Variants in STING1 observed in about 807,000 individuals in gnomAD.
STING1 encodes the protein stimulator of interferon response cGAMP interactor 1.
Under a neutral mutation model 31.6 loss-of-function variants are expected in STING1, and 19 were observed. That is an observed-to-expected ratio of 0.60 (90% CI 0.42 to 0.88). The LOEUF (loss-of-function observed/expected upper bound fraction) is 0.88, where lower values mean the gene tolerates loss of function less well. Among genes scored for constraint, STING1 ranks in the 40% least tolerant of loss-of-function variants. STING1 has a pLI of 0.00. For synonymous variants in STING1, 200 were observed against 208.6 expected, an observed-to-expected ratio of 0.96 and a Z score of 0.35; for missense variants, 371 against 483.7, an observed-to-expected ratio of 0.77 and a Z score of 2.19.
intron 7 of STING1, 72 bp downstream of exon 7, chr5:139,477,255 CTT>C: frequency 6.6e-7 from 1 of 1,519,922 alleles, no homozygotes; most frequent in Non-Finnish European, 9.0e-7. Flanking sequence ...CCTTCTGACT[CTT>C]TGGGAGACCC....
chr5:139,481,301 C>A lies in STING1; in HGVS notation c.269G>T (p.Gly90Val). Residue 90 changes from glycine (G) to valine (V), a missense_variant, in exon 4 of 8, where the codon GGC (glycine) becomes GTC (valine). Transcript: ENST00000330794. The surrounding 1 kb of genome is among the most constrained non-coding windows in gnomAD (Gnocchi z 4.1). The stretch of plus-strand genomic sequence containing the variant: ...CAGGGCCCCACGGCGGAGGGGGCAG[C>A]CCAGGCAGGCCCGCACAGTCCTCCA... ...SYWRTVRACL[G>V]CPLRRGALLL... 6.2e-7 allele frequency: 1 copy of A among 1,608,790 alleles called. No individual in the cohort carries two copies. The highest frequency in any genetic ancestry group is 8.5e-7 in the Non-Finnish European group (1 of 1,177,400).
chr5:139,479,394 C>A (rs1751766159), intron 5 of STING1, among the ~76,000 whole-genome samples: 1 of 151,124 alleles, frequency 6.6e-6, no homozygotes, highest in Non-Finnish European at 1.5e-5. Flanking sequence ...ATCACTTTAC[C>A]TCTCAGAACT....
At chr5:139,477,245 C>G in intron 7 of STING1, 84 bp downstream of exon 7, 1 of 1,420,842 alleles carries the variant, frequency 7.0e-7, no homozygotes, top group South Asian at 1.3e-5. Flanking sequence ...CTCCATAGCC[C>G]CTTCTGACTC....
In STING1 at chr5:139,478,213, C is replaced by G. The variant is rs1005206182; in HGVS notation, c.759+57G>C. ...ATTTTCATCAGTGCTTGGCTAGGGC[C>G]CAGGGTTCTGGGGTCCTGACCCCTC... On this transcript the variant is annotated intron_variant, in intron 6 of 7. Transcript: ENST00000330794. 3 of 1,351,810 alleles carry G rather than the reference C, an allele frequency of 2.2e-6. No homozygotes were observed. The African/African-American group carries it at 4.3e-5, about 19-fold the overall frequency. 83.7% of individuals were successfully genotyped at this position (1,351,810 alleles called of 1,614,324 possible). A position where few individuals can be genotyped will look rare whatever the true frequency, so the allele number is the denominator to read the frequency against.
chr5:139,479,109 A>C (rs531719661), intron 5 of STING1: 1 of 153,006 alleles, frequency 6.5e-6, no homozygotes, highest in South Asian at 2.1e-4. Flanking sequence ...CGTGCCTGTA[A>C]TCCTAGCTAT....
chr5:139,480,012 A>C (rs1751789379), intron 5 of STING1, among the ~76,000 whole-genome samples: 1 of 151,426 alleles, frequency 6.6e-6, no homozygotes, highest in East Asian at 1.9e-4. Context: ...TCAAAAAAAA[A>C]AAAAAAAAAA....
At position 139,481,079 on chromosome 5, in the gene STING1, T is replaced by A; in HGVS notation, c.411+80A>T. 2 of 1,442,342 alleles carry A rather than the reference T, an allele frequency of 1.4e-6. No homozygotes were observed. The highest frequency in any genetic ancestry group is 2.3e-5 in the South Asian group (2 of 86,662). The allele number at this position is 1,442,342 out of a possible 1,614,324, so 89.3% of individuals were successfully genotyped here. ...ACTCCAGCCTTTAAACCAGTCCCAC[T>A]CCCAGTACTCAGCTCAGGGCAGGTC... On this transcript the variant is annotated intron_variant, in intron 4 of 7. Transcript: ENST00000330794. The surrounding 1 kb of genome is among the most constrained non-coding windows in gnomAD (Gnocchi z 4.1).
In STING1 at chr5:139,481,249, G is replaced by A. The variant is rs1237980654; in HGVS notation, c.321C>T (p.Tyr107=). ...GCGGGCCGACCGCATTTGGGAGGGA[G>A]TAGTAGAAATAGATGGACAGCAGCA... ...ALLLLSIYFY[Y]SLPNAVGPPF... Residue 107 remains tyrosine, a synonymous_variant, in exon 4 of 8, where the codon TAC becomes TAT. Transcript: ENST00000330794. The surrounding 1 kb of genome is among the most constrained non-coding windows in gnomAD (Gnocchi z 4.1). 6.2e-7 allele frequency: 1 copy of A among 1,614,036 alleles called. No homozygotes were observed. Among genetic ancestry groups the A allele is most frequent in the African/African-American group, 1.3e-5 (1 of 74,938 alleles).
chr5:139,481,591 C>T lies in STING1; in HGVS notation c.114G>A (p.Glu38=). 6.2e-7 allele frequency: 1 copy of T among 1,613,760 alleles called. No individual in the cohort carries two copies. The highest frequency in any genetic ancestry group is 8.5e-7 in the Non-Finnish European group (1 of 1,179,920). ...GGTACCGGAGAGTGTGCTCTGGTGGCTCTCCTAGCCCCCAAAGGGTCACCA... is the reference window on the plus strand; with the variant it reads ...GGTACCGGAGAGTGTGCTCTGGTGGTTCTCCTAGCCCCCAAAGGGTCACCA... ...ACLVTLWGLG[E]PPEHTLRYLV... Residue 38 remains glutamate (E), a synonymous_variant, in exon 3 of 8, where the codon GAG becomes GAA. Transcript: ENST00000330794. The surrounding 1 kb of genome is among the most constrained non-coding windows in gnomAD (Gnocchi z 4.1).
chr5:139,478,849 C>T, intron 5 of STING1: 1 of 276,488 alleles, frequency 3.6e-6, no homozygotes, highest in Non-Finnish European at 7.1e-6. Context: ...CCTCTAGCCC[C>T]AGATCAGTCT....
In STING1 at chr5:139,481,290, G is replaced by A. The variant is rs752269574; in HGVS notation, c.280C>T (p.Arg94Cys). The A allele has an allele frequency of 7.4e-6, 12 of 1,612,300 alleles. No individual in the cohort carries two copies. Among genetic ancestry groups the A allele is most frequent in the South Asian group, 3.3e-5 (3 of 90,774 alleles). Residue 94 changes from arginine (R) to cysteine (C), a missense_variant, in exon 4 of 8, where the codon CGC (arginine) becomes TGC (cysteine). Arg to Cys is a radical substitution (Grantham distance 180). Coordinates refer to ENST00000330794, the MANE Select transcript of STING1 (RefSeq NM_198282.4). The surrounding 1 kb of genome is among the most constrained non-coding windows in gnomAD (Gnocchi z 4.1). ...TVRACLGCPLRRGALLLLSIY... is the reference protein window; with the variant it reads ...TVRACLGCPLCRGALLLLSIY... The stretch of plus-strand genomic sequence containing the variant: ...GACAGCAGCAACAGGGCCCCACGGC[G>A]GAGGGGGCAGCCCAGGCAGGCCCGC...
intron 5 of STING1, among the ~76,000 whole-genome samples, chr5:139,479,811 T>C (rs1477171707): frequency 8.1e-6 from 1 of 123,500 alleles, no homozygotes; most frequent in Non-Finnish European, 1.6e-5. Flanking sequence ...AAGACCAGCC[T>C]GGGCAACATG....
chr5:139,482,428 A>G (rs1440041156), intron 1 of STING1, 122 bp downstream of exon 1: 1 of 152,212 alleles, frequency 6.6e-6, no homozygotes, highest in Non-Finnish European at 1.5e-5. Flanking sequence ...GGGAGGTAGG[A>G]ACCTTCCCTC....
chr5:139,481,500 C>T lies in STING1; in HGVS notation c.205G>A (p.Glu69Lys). 6.2e-7 allele frequency: 1 copy of T among 1,613,866 alleles called. No individual in the cohort carries two copies. Among genetic ancestry groups the T allele is most frequent in the Non-Finnish European group, 8.5e-7 (1 of 1,179,984 alleles). Reference sequence around the variant, plus strand: ...CACCTGGAGTGGATGTGGCGCAGCTCCTCAGCCAGGCTGCAGACCCCGTTT... The same window carrying T: ...CACCTGGAGTGGATGTGGCGCAGCTTCTCAGCCAGGCTGCAGACCCCGTTT... The part of the protein sequence containing the change: ...LLNGVCSLAE[E>K]LRHIHSRYRG... The change falls in exon 3 of 8, where the codon GAG becomes AAG. Residue 69 changes from glutamate to lysine, a missense_variant. Glu to Lys is a moderately conservative substitution (Grantham distance 56). Coordinates refer to ENST00000330794, the MANE Select transcript of STING1 (RefSeq NM_198282.4). This position sits in a 1 kb window ranked among gnomAD's most constrained non-coding sequence, Gnocchi z 4.1.
Position 139,476,283 on chromosome 5 carries a change from G to T in STING1, c.1118C>A (p.Pro373His). 1 of 1,597,076 alleles carries T rather than the reference G, an allele frequency of 6.3e-7. No homozygotes were observed. Among genetic ancestry groups the T allele is most frequent in the East Asian group, 2.3e-5 (1 of 44,126 alleles). Residue 373 changes from proline to histidine, a missense_variant, in exon 8 of 8, where the codon CCT (proline) becomes CAT (histidine). By Grantham distance (77) the Pro-to-His change is moderately conservative (BLOSUM62 -2). Coordinates refer to ENST00000330794, the MANE Select transcript of STING1 (RefSeq NM_198282.4). ...LLISGMEKPL[P>H]LRTDFS ...GTCTCAAGAGAAATCCGTGCGGAGA[G>T]GGAGGGGCTTTTCCATTCCACTGAT...
intron 6 of STING1, 25 bp downstream of exon 6, chr5:139,478,245 G>A (rs1268085838): frequency 1.3e-6 from 2 of 1,576,104 alleles, no homozygotes; most frequent in Non-Finnish European, 1.7e-6. Flanking sequence ...CCTCCTCAGA[G>A]ACCCCCACTC....
chr5:139,475,884 G>A lies in STING1; in HGVS notation c.*377C>T, dbSNP rs546609971. ...GTTGATACCATTGAGAGAGTTCGGC[G>A]TCCCCGGGCAAAGGAAGGGGAGAAG... On this transcript the variant is annotated 3_prime_UTR_variant, in exon 8 of 8. Transcript: ENST00000330794. 53 of 168,262 alleles carry A rather than the reference G, an allele frequency of 3.1e-4. No homozygotes were observed. The highest frequency in any genetic ancestry group is 1.0e-3 in the African/African-American group (44 of 42,156). The allele number at this position is 168,262 out of a possible 1,614,324, so 10.4% of individuals were successfully genotyped here. A position where few individuals can be genotyped will look rare whatever the true frequency, so the allele number is the denominator to read the frequency against.
At chr5:139,480,584 G>A (rs1314507998) in intron 5 of STING1, among the ~76,000 whole-genome samples, 1 of 152,188 alleles carries the variant, frequency 6.6e-6, no homozygotes, top group African/African-American at 2.4e-5. Context: ...CCTTGGGCAA[G>A]TCACTTAATG....
chr5:139,477,220 G>T (rs1202595417), intron 7 of STING1, 109 bp downstream of exon 7: 2 of 1,169,334 alleles, frequency 1.7e-6, no homozygotes, highest in Non-Finnish European at 2.4e-6. Flanking sequence ...GGAAGGACAG[G>T]CCCAGGGCAT....
Sources: allele counts gnomAD v4.1 joint callset (sites outside exome capture counted in the v4.1 genomes callset), GRCh38; gene constraint gnomAD v4.1.1; non-coding constraint Gnocchi (gnomAD v3.1); transcripts MANE v1.5; gene names NCBI Gene and HGNC (gene_info 2026-07-23, HGNC 2026-07-21).